The following GRIK1 variants were observed in gnomAD, a reference collection of about 807,000 sequenced individuals.
GRIK1 encodes the protein glutamate ionotropic receptor kainate type subunit 1.
A neutral mutation model predicts 105.7 loss-of-function variants in GRIK1; 69 were observed. The observed-to-expected ratio is 0.65, with a 90% CI of 0.54 to 0.80. The LOEUF is 0.80. GRIK1 is among the 30% of genes least tolerant of loss of function. The pLI is 0.00. For synonymous variants in GRIK1, 438 were observed against 431.3 expected, an observed-to-expected ratio of 1.02 and a Z score of -0.19; for missense variants, 1,109 against 1,167.3, an observed-to-expected ratio of 0.95 and a Z score of 0.73.
chr21:29,640,262 A>G (rs1020544449), intron 7 of GRIK1, among the ~76,000 whole-genome samples: 1 of 151,836 alleles, frequency 6.6e-6, no homozygotes, highest in Non-Finnish European at 1.5e-5. Flanking sequence ...TCAGTTATGC[A>G]CTCATCTGAA....
At chr21:29,782,303 G>T (rs980476676) in intron 1 of GRIK1, among the ~76,000 whole-genome samples, 2 of 151,978 alleles carry the variant, frequency 1.3e-5, no homozygotes, top group East Asian at 1.9e-4. Flanking sequence ...AGCCAGGATG[G>T]TCTCGATCTC....
At chr21:29,935,484 T>G (rs1021259116) in intron 1 of GRIK1, among the ~76,000 whole-genome samples, 6 of 152,182 alleles carry the variant, frequency 3.9e-5, no homozygotes, top group Non-Finnish European at 7.3e-5. Context: ...AATAAAGTCA[T>G]GGGTCTGTAC....
intron 16 of GRIK1, among the ~76,000 whole-genome samples, chr21:29,550,107 C>CAAAAAAAAAAAAAAAAAAA (rs34939329): frequency 1.9e-5 from 1 of 53,488 alleles, no homozygotes; most frequent in African/African-American, 8.5e-5. Context: ...GACTCCATCT[C>CAAAAAAAAAAAAAAAAAAA]AAAAAAAAAA....
chr21:29,928,306 A>G (rs1011500313), intron 1 of GRIK1, among the ~76,000 whole-genome samples: 3 of 152,200 alleles, frequency 2.0e-5, no homozygotes, highest in Non-Finnish European at 4.4e-5. Flanking sequence ...TAAATACCAC[A>G]GCAGTATTTA....
chr21:29,832,399 C>G (rs2067667782), intron 1 of GRIK1, among the ~76,000 whole-genome samples: 1 of 152,192 alleles, frequency 6.6e-6, no homozygotes, highest in South Asian at 2.1e-4. Flanking sequence ...CTACATTGCC[C>G]TAGTAGAAGT....
At chr21:29,843,160 A>G (rs1238922931) in intron 1 of GRIK1, among the ~76,000 whole-genome samples, 2 of 152,154 alleles carry the variant, frequency 1.3e-5, no homozygotes, top group African/African-American at 4.8e-5. Flanking sequence ...TTGTCAAAGT[A>G]CCATATTTTA....
chr21:29,627,554 C>G (rs1187021701), intron 7 of GRIK1, among the ~76,000 whole-genome samples: 1 of 152,178 alleles, frequency 6.6e-6, no homozygotes, highest in African/African-American at 2.4e-5. Flanking sequence ...GTACACATGG[C>G]CTTGAGCAGG....
At chr21:29,601,631 A>G (rs1034334253) in intron 7 of GRIK1, among the ~76,000 whole-genome samples, 1 of 152,176 alleles carries the variant, frequency 6.6e-6, no homozygotes, top group African/African-American at 2.4e-5. Context: ...CCAGCCTTCA[A>G]GATTGGCTTA....
chr21:29,873,899 G>A (rs145863451), intron 1 of GRIK1, among the ~76,000 whole-genome samples: 1,794 of 152,218 alleles, frequency 0.012, 34 homozygotes, highest in African/African-American at 0.041. Context: ...GGCTTGTTTC[G>A]GGATGAAACT....
At chr21:29,854,926 A>G (rs76916812) in intron 1 of GRIK1, among the ~76,000 whole-genome samples, 4,218 of 152,276 alleles carry the variant, frequency 0.028, 71 homozygotes, top group Non-Finnish European at 0.042. Context: ...TGCTTCATCC[A>G]GGGATATTTG....
chr21:29,730,189 T>G (rs1351890470), intron 1 of GRIK1, among the ~76,000 whole-genome samples: 1 of 152,182 alleles, frequency 6.6e-6, no homozygotes, highest in Non-Finnish European at 1.5e-5. Context: ...AGTACATAAT[T>G]GCGGTATAAA....
At chr21:29,609,763 C>T (rs752752021) in intron 7 of GRIK1, among the ~76,000 whole-genome samples, 1 of 152,106 alleles carries the variant, frequency 6.6e-6, no homozygotes, top group African/African-American at 2.4e-5. Flanking sequence ...TGAATTACAC[C>T]ATCTGCTTTT....
chr21:29,848,854 G>A (rs1251359592), intron 1 of GRIK1, among the ~76,000 whole-genome samples: 1 of 146,114 alleles, frequency 6.8e-6, no homozygotes, highest in African/African-American at 2.5e-5. Flanking sequence ...TCCTTAGGAT[G>A]ACTTGATTCT....
intron 9 of GRIK1, among the ~76,000 whole-genome samples, chr21:29,592,272 G>A (rs558855881): frequency 3.4e-4 from 52 of 152,068 alleles, no homozygotes; most frequent in Non-Finnish European, 5.6e-4. Flanking sequence ...CCACTTGATC[G>A]TGAACTCCTT....
At chr21:29,696,186 T>G (rs2063698717) in intron 1 of GRIK1, among the ~76,000 whole-genome samples, 2 of 152,248 alleles carry the variant, frequency 1.3e-5, no homozygotes, top group South Asian at 4.1e-4. Flanking sequence ...TTCGGGCTTT[T>G]GTAGACTGAT....
chr21:29,639,644 T>C (rs777654608), intron 7 of GRIK1, among the ~76,000 whole-genome samples: 1 of 152,182 alleles, frequency 6.6e-6, no homozygotes, highest in Non-Finnish European at 1.5e-5. Flanking sequence ...GTATGTTTTA[T>C]CCTGAGGTAT....
Position 29,782,121 on chromosome 21 carries a change from G to C in GRIK1, c.119-88058C>G, listed in dbSNP as rs377177157. 2.1e-3 allele frequency among the ~76,000 whole-genome samples: 302 copies of C among 141,636 alleles called. 1 individual carries two copies. The highest frequency in any genetic ancestry group is 4.0e-3 in the Middle Eastern group (1 of 250). 92.9% of individuals were successfully genotyped at this position (141,636 alleles called of 152,430 possible). A position where few individuals can be genotyped will look rare whatever the true frequency, so the allele number is the denominator to read the frequency against. The stretch of plus-strand genomic sequence containing the variant: ...TTTTTTTCTGAGACGGAGTCTCGCT[G>C]TGTCGCCCAGGCTGGAGTGCAGTGG... On this transcript the variant is annotated intron_variant, in intron 1 of 17. Transcript: ENST00000327783.
intron 7 of GRIK1, among the ~76,000 whole-genome samples, chr21:29,610,412 G>A (rs772681121): frequency 1.3e-5 from 2 of 152,094 alleles, no homozygotes; most frequent in Non-Finnish European, 2.9e-5. Context: ...CTTATAAAAG[G>A]GACCCAGGAA....
chr21:29,776,021 G>A (rs531383863), intron 1 of GRIK1, among the ~76,000 whole-genome samples: 57 of 152,304 alleles, frequency 3.7e-4, no homozygotes, highest in African/African-American at 1.2e-3. Flanking sequence ...GGGAAGCAAC[G>A]CACCTTCTTT....
Sources: allele counts gnomAD v4.1 joint callset (sites outside exome capture counted in the v4.1 genomes callset), GRCh38; gene constraint gnomAD v4.1.1; transcripts MANE v1.5; gene names NCBI Gene and HGNC (gene_info 2026-07-23, HGNC 2026-07-21).